The following TAPBPL variants were observed in gnomAD, a reference collection of about 807,000 sequenced individuals.
The protein encoded by TAPBPL is TAP binding protein like.
A neutral mutation model predicts 44.8 loss-of-function variants in TAPBPL; 32 were observed. The observed-to-expected ratio is 0.71, with a 90% CI of 0.54 to 0.96. The LOEUF is 0.96. TAPBPL is among the 40% of genes least tolerant of loss of function. The probability of loss-of-function intolerance (pLI) is 0.00; values close to 1 mark genes in which losing one functional copy is unlikely to be tolerated. For synonymous variants in TAPBPL, 230 were observed against 240.7 expected, an observed-to-expected ratio of 0.96 and a Z score of 0.41; for missense variants, 520 against 586.6, an observed-to-expected ratio of 0.89 and a Z score of 1.17.
Position 6,461,922 on chromosome 12 carries a change from A to G in TAPBPL, c.1292-112A>G, listed in dbSNP as rs1949874904. 4 of 821,252 alleles carry G rather than the reference A, an allele frequency of 4.9e-6. No homozygotes were observed. In the South Asian group the frequency reaches 6.8e-5, roughly 14 times the overall value. The allele number at this position is 821,252 out of a possible 1,614,324, so 50.9% of individuals were successfully genotyped here. On this transcript the variant is annotated intron_variant, in intron 6 of 6. Coordinates refer to ENST00000266556, the MANE Select transcript of TAPBPL (RefSeq NM_018009.5). ...TCCCCTGGGACAGGACAAGCAGGCCAAGGACCTAGGAAGGAGCACAGGAGG... is the reference window on the plus strand; with the variant it reads ...TCCCCTGGGACAGGACAAGCAGGCCGAGGACCTAGGAAGGAGCACAGGAGG...
At chr12:6,464,780 T>A, downstream of TAPBPL, 1 of 1,569,886 alleles carries the variant, frequency 6.4e-7, no homozygotes, top group Non-Finnish European at 8.6e-7. Context: ...AGCAGCGGTC[T>A]CCATACCTCA....
At chr12:6,466,112 C>T, downstream of TAPBPL, 1 of 1,610,064 alleles carries the variant, frequency 6.2e-7, no homozygotes, top group Non-Finnish European at 8.5e-7. Context: ...GGTGCTTTGC[C>T]TCTCAGGGCC....
In TAPBPL at chr12:6,453,171, A is replaced by G. The variant is rs1949607286; in HGVS notation, c.169A>G (p.Arg57Gly). The change falls in exon 2 of 7, where the codon AGG becomes GGG. Residue 57 changes from arginine to glycine, a missense_variant. By Grantham distance (125) the Arg-to-Gly change is moderately radical. Transcript: ENST00000266556. This position sits in a 1 kb window ranked among gnomAD's most constrained non-coding sequence, Gnocchi z 4.8. ...TGGAGCTCTCGCCAGCAGTGAGGAC[A>G]GGGCAAGGGCCTCCCTTGTGCTGAA... ...HRGALASSED[R>G]ARASLVLKQV... is the part of the protein sequence containing the mutation. 4 of 1,610,602 alleles carry G rather than the reference A, an allele frequency of 2.5e-6. No homozygotes were observed. Among genetic ancestry groups the G allele is most frequent in the Non-Finnish European group, 3.4e-6 (4 of 1,178,778 alleles).
downstream of TAPBPL, chr12:6,464,579 G>T (rs1949956364): frequency 6.8e-7 from 1 of 1,463,682 alleles, no homozygotes; most frequent in South Asian, 1.5e-5. Flanking sequence ...AGACATTCAG[G>T]TCTCTCCATT....
At chr12:6,460,571 T>G (rs1392696193) in intron 5 of TAPBPL, among the ~76,000 whole-genome samples, 1 of 152,214 alleles carries the variant, frequency 6.6e-6, no homozygotes, top group East Asian at 1.9e-4. Context: ...CCAGGCAAGT[T>G]AAGTGCTAAC....
the TAPBPL span, among the ~76,000 whole-genome samples, chr12:6,471,879 C>A: frequency 3.9e-5 from 6 of 152,136 alleles, no homozygotes; most frequent in Non-Finnish European, 7.4e-5. This position sits in a 1 kb window ranked among gnomAD's most constrained non-coding sequence, Gnocchi z 4.0. Context: ...GCTTTCCTTA[C>A]CACTTAGCAT....
downstream of TAPBPL, chr12:6,464,811 C>T (rs1232127274): frequency 1.3e-6 from 2 of 1,564,586 alleles, no homozygotes; most frequent in Non-Finnish European, 1.7e-6. Context: ...CCCCACTCCC[C>T]AGGCAGGCAG....
downstream of TAPBPL, chr12:6,464,219 C>T (rs1949947520): frequency 1.3e-6 from 2 of 1,503,366 alleles, no homozygotes; most frequent in African/African-American, 1.4e-5. Flanking sequence ...CTTGAGAGTA[C>T]AGAAAAAGCA....
chr12:6,452,061 C>G lies in TAPBPL; in HGVS notation c.-188C>G. Reference sequence around the variant, plus strand: ...TGCTGCAGACGGCTTCACACAGGGACGCGGGCTGCCATCTTGCTCTAAGTG... The same window carrying G: ...TGCTGCAGACGGCTTCACACAGGGAGGCGGGCTGCCATCTTGCTCTAAGTG... On this transcript the variant is annotated 5_prime_UTR_variant, in exon 1 of 7. Coordinates refer to ENST00000266556, the MANE Select transcript of TAPBPL (RefSeq NM_018009.5). 1 of 668,350 alleles carries G rather than the reference C, an allele frequency of 1.5e-6. No individual in the cohort carries two copies. 41.4% of individuals were successfully genotyped at this position (668,350 alleles called of 1,614,324 possible). A position where few individuals can be genotyped will look rare whatever the true frequency, so the allele number is the denominator to read the frequency against.
At chr12:6,461,303 G>C (rs1299407237) in intron 6 of TAPBPL, 1 of 1,089,420 alleles carries the variant, frequency 9.2e-7, no homozygotes, top group African/African-American at 1.7e-5. Flanking sequence ...TGCACCCTGG[G>C]CTCATGCACC....
chr12:6,466,480 C>T (rs189904623), downstream of TAPBPL: 123 of 995,634 alleles, frequency 1.2e-4, 1 homozygote, highest in East Asian at 2.7e-3. Flanking sequence ...CCCAGGAGTT[C>T]GAGGCCAGCC....
chr12:6,464,266 A>G (rs1949948799), downstream of TAPBPL: 1 of 1,536,108 alleles, frequency 6.5e-7, no homozygotes, highest in Non-Finnish European at 8.8e-7. Context: ...TCTTCGGGTA[A>G]TGACTTAGAT....
intron 1 of TAPBPL, 174 bp downstream of exon 1, chr12:6,452,486 G>A: frequency 6.9e-7 from 1 of 1,441,506 alleles, no homozygotes; most frequent in Non-Finnish European, 9.1e-7. Flanking sequence ...TAGTGTGTGT[G>A]GAGGGAGGGT....
intron 3 of TAPBPL, among the ~76,000 whole-genome samples, chr12:6,454,123 C>T (rs180875414): frequency 2.6e-5 from 4 of 152,274 alleles, no homozygotes; most frequent in African/African-American, 9.6e-5. Context: ...CCACCTCCAT[C>T]CACACTGGTC....
Position 6,452,420 on chromosome 12 carries a change from T to A in TAPBPL, c.64+108T>A, listed in dbSNP as rs1949574945. The A allele has an allele frequency of 2.0e-6, 3 of 1,472,008 alleles. No homozygotes were observed. In the South Asian group the frequency reaches 4.2e-5, roughly 20 times the overall value. 91.2% of individuals were successfully genotyped at this position (1,472,008 alleles called of 1,614,324 possible). ...AGCAAAGGGGCCGGGGATGACCCCA[T>A]CGCCTTCTAAGCCCAACAGGGGAAA... On this transcript the variant is annotated intron_variant, in intron 1 of 6. Coordinates refer to ENST00000266556, the MANE Select transcript of TAPBPL (RefSeq NM_018009.5).
In TAPBPL at chr12:6,462,076, C is replaced by T. The variant is rs1463811816; in HGVS notation, c.1334C>T (p.Thr445Ile). The part of the protein sequence containing the change: ...LGLLQAERWE[T>I]TSCADTQSSH... ...CTGCTTCAGGCTGAACGCTGGGAGA[C>T]CACTTCCTGTGCTGACACACAGAGC... Residue 445 changes from threonine to isoleucine, a missense_variant, in exon 7 of 7, where the codon ACC (threonine) becomes ATC (isoleucine). Physicochemically the swap from Thr to Ile is moderately conservative, Grantham distance 89. Transcript: ENST00000266556. The T allele has an allele frequency of 3.1e-6, 5 of 1,613,822 alleles. No homozygotes were observed. The highest frequency in any genetic ancestry group is 4.2e-6 in the Non-Finnish European group (5 of 1,179,710).
At chr12:6,458,596 T>C (rs1188299327) in intron 4 of TAPBPL, 49 bp from the exon 5 acceptor site, 1 of 1,592,294 alleles carries the variant, frequency 6.3e-7, no homozygotes, top group Non-Finnish European at 8.6e-7. Context: ...GCTCCTCCGC[T>C]GTCCCCAGTT....
chr12:6,460,933 G>T lies in TAPBPL; in HGVS notation c.1286G>T (p.Arg429Leu). The change falls in exon 6 of 7, where the codon CGG becomes CTG. Residue 429 changes from arginine (R) to leucine (L), a missense_variant. By Grantham distance (102) the Arg-to-Leu change is moderately radical (BLOSUM62 -2). Transcript: ENST00000266556. The stretch of plus-strand genomic sequence containing the variant: ...CTGATGTTCCTGGGGCTTCAGAGAC[G>T]GCAAGGTAAGAGCCTGGGTGCCCTT... ...LALMFLGLQRRQAPTGLGLLQ... is the reference protein window; with the variant it reads ...LALMFLGLQRLQAPTGLGLLQ... 6.2e-7 allele frequency: 1 copy of T among 1,614,054 alleles called. No homozygotes were observed.
chr12:6,453,063 G>A lies in TAPBPL; in HGVS notation c.65-4G>A. On this transcript the variant is annotated splice_region_variant and splice_polypyrimidine_tract_variant and intron_variant, in intron 1 of 6. Transcript: ENST00000266556. The surrounding 1 kb of genome is among the most constrained non-coding windows in gnomAD (Gnocchi z 4.8). ...GCGGTGCTCACCCCAGCCTTTGTCT[G>A]CAGAGCCCCACCCAGCAGAGGGGCA... 6.4e-7 allele frequency: 1 copy of A among 1,568,228 alleles called. No individual in the cohort carries two copies. Among genetic ancestry groups the A allele is most frequent in the Non-Finnish European group, 8.6e-7 (1 of 1,157,000 alleles).
Sources: allele counts gnomAD v4.1 joint callset (sites outside exome capture counted in the v4.1 genomes callset), GRCh38; gene constraint gnomAD v4.1.1; non-coding constraint Gnocchi (gnomAD v3.1); transcripts MANE v1.5; gene names NCBI Gene and HGNC (gene_info 2026-07-23, HGNC 2026-07-21).